OXNAD1: variants seen among roughly 807,000 people sequenced by gnomAD.
The protein encoded by OXNAD1 is oxidoreductase NAD-binding domain-containing protein 1.
In OXNAD1, 34 loss-of-function variants were observed where a neutral mutation model predicts 32.9. The observed-to-expected ratio is 1.03, with a 90% confidence interval of 0.79 to 1.38. OXNAD1 has a LOEUF of 1.38. OXNAD1 is among the 40% of genes most tolerant of loss of function. OXNAD1 has a pLI of 0.00. For missense variants in OXNAD1, 407 were observed against 379.4 expected (o/e 1.07, Z -0.60); for synonymous variants, 134 against 135.2 (o/e 0.99, Z 0.06).
downstream of OXNAD1, among the ~76,000 whole-genome samples, chr3:16,351,250 G>A (rs150780933): frequency 0.011 from 1,659 of 152,272 alleles, 15 homozygotes; most frequent in Middle Eastern, 0.027. This position sits in a 1 kb window ranked among gnomAD's most constrained non-coding sequence, Gnocchi z 5.4. Flanking sequence ...TTCCTGCAGC[G>A]CGCCAAGGAC....
rs2066277506 is a variant in OXNAD1 at position 16,289,346 on chromosome 3, C to G, written c.290+2898C>G. Among the ~76,000 whole-genome samples, 1 of 152,042 alleles carries G rather than the reference C, an allele frequency of 6.6e-6. No individual in the cohort carries two copies. The highest frequency in any genetic ancestry group is 6.6e-5 in the Admixed American group (1 of 15,260). On this transcript the variant is annotated intron_variant, in intron 5 of 8. Coordinates refer to ENST00000285083, the MANE Select transcript of OXNAD1 (RefSeq NM_138381.5). This position sits in a 1 kb window ranked among gnomAD's most constrained non-coding sequence, Gnocchi z 4.9. ...CACCACTGATGCCCCAGTCAGTACT[C>G]AATCCACACTTGGCTGGGTATAGCT...
At position 16,316,708 on chromosome 3, in the gene OXNAD1, T is replaced by C; in HGVS notation, c.*30+13116T>C. ...GCTCAGGTGAGCTCACAAGGAGAGG[T>C]CAAGCCAAGCCAAAGGGTAGGTAAC... On this transcript the variant is annotated intron_variant, in intron 9 of 9. Coordinates refer to the OXNAD1 transcript ENST00000435829. This position sits in a 1 kb window ranked among gnomAD's most constrained non-coding sequence, Gnocchi z 4.5. The C allele has an allele frequency of 7.9e-7, 1 of 1,258,870 alleles. No individual in the cohort carries two copies. Among genetic ancestry groups the C allele is most frequent in the Non-Finnish European group, 1.1e-6 (1 of 878,860 alleles). The allele number at this position is 1,258,870 out of a possible 1,614,324, so 78.0% of individuals were successfully genotyped here.
intron 9 of OXNAD1, among the ~76,000 whole-genome samples, chr3:16,331,478 A>G (rs2070304888): frequency 6.6e-6 from 1 of 152,226 alleles, no homozygotes; most frequent in African/African-American, 2.4e-5. Context: ...ATAATGCACT[A>G]TGACCATGCC....
intron 5 of OXNAD1, 74 bp downstream of exon 5, chr3:16,286,522 C>T (rs1368538030): frequency 3.2e-6 from 4 of 1,253,396 alleles, no homozygotes; most frequent in African/African-American, 1.5e-5. Context: ...TATTTTTTCT[C>T]CTGGAAAAGG....
chr3:16,330,031 A>G (rs1300710580), intron 9 of OXNAD1, among the ~76,000 whole-genome samples: 2 of 152,236 alleles, frequency 1.3e-5, no homozygotes, highest in Non-Finnish European at 2.9e-5. Context: ...CTCTTAAAGA[A>G]AAAATCAGCA....
In OXNAD1 at chr3:16,320,150, G is replaced by T. The variant is rs1237569896; in HGVS notation, c.*30+16558G>T. Among the ~76,000 whole-genome samples, 1 of 152,180 alleles carries T rather than the reference G, an allele frequency of 6.6e-6. No individual in the cohort carries two copies. Among genetic ancestry groups the T allele is most frequent in the South Asian group, 2.1e-4 (1 of 4,834 alleles). On this transcript the variant is annotated intron_variant, in intron 9 of 9. Coordinates refer to the OXNAD1 transcript ENST00000435829. The surrounding 1 kb of genome is among the most constrained non-coding windows in gnomAD (Gnocchi z 4.5). ...ATTTAATTTGCACATTTTAAAAACT[G>T]CCCATGATGTGTCCACTTCAAGTAG...
At position 16,305,764 on chromosome 3, in the gene OXNAD1, A is replaced by G. The variant is rs1170900775; in HGVS notation, c.*2202A>G. On this transcript the variant is annotated 3_prime_UTR_variant, in exon 9 of 9. Coordinates refer to ENST00000285083, the MANE Select transcript of OXNAD1 (RefSeq NM_138381.5). The surrounding 1 kb of genome is among the most constrained non-coding windows in gnomAD (Gnocchi z 4.5). ...TGCTCTATGCCTCATTTAAAATTAC[A>G]TACAACTACATGTAAAAGGGAGATG... 1 of 152,228 alleles carries G rather than the reference A, an allele frequency of 6.6e-6. No individual in the cohort carries two copies. Among genetic ancestry groups the G allele is most frequent in the East Asian group, 1.9e-4 (1 of 5,196 alleles). The allele number at this position is 152,228 out of a possible 1,614,324, so 9.4% of individuals were successfully genotyped here.
At position 16,280,238 on chromosome 3, in the gene OXNAD1, T is replaced by TG. The variant is rs1242811231; in HGVS notation, c.184-6103dup. Among the ~76,000 whole-genome samples, 2 of 152,058 alleles carry TG rather than the reference T, an allele frequency of 1.3e-5. No homozygotes were observed. Among genetic ancestry groups the TG allele is most frequent in the Non-Finnish European group, 2.9e-5 (2 of 67,996 alleles). On this transcript the variant is annotated intron_variant, in intron 4 of 8. Transcript: ENST00000285083. This position sits in a 1 kb window ranked among gnomAD's most constrained non-coding sequence, Gnocchi z 4.5. ...GATGGGGAGGGTAGAGAGGGTGTGA[T>TG]GCAGGAGAGAGGATAGTTGCTGGAG... is the stretch of plus-strand genomic sequence containing the variant.
Position 16,304,191 on chromosome 3 carries a change from G to A in OXNAD1, c.*629G>A, listed in dbSNP as rs1575158311. 1 of 152,314 alleles carries A rather than the reference G, an allele frequency of 6.6e-6. No individual in the cohort carries two copies. The highest frequency in any genetic ancestry group is 1.9e-4 in the East Asian group (1 of 5,184). The allele number at this position is 152,314 out of a possible 1,614,324, so 9.4% of individuals were successfully genotyped here. On this transcript the variant is annotated 3_prime_UTR_variant, in exon 9 of 9. Transcript: ENST00000285083. The surrounding 1 kb of genome is among the most constrained non-coding windows in gnomAD (Gnocchi z 4.6). The stretch of plus-strand genomic sequence containing the variant: ...AAGTGTGTATCCTGACTAATTGTTA[G>A]TTTCTTCTCAAATGAAACCCTTTCT...
rs1187330441 is a variant in OXNAD1 at position 16,280,306 on chromosome 3, A to G, written c.184-6036A>G. 1.3e-5 allele frequency among the ~76,000 whole-genome samples: 2 copies of G among 152,198 alleles called. No individual in the cohort carries two copies. Among genetic ancestry groups the G allele is most frequent in the Admixed American group, 1.3e-4 (2 of 15,272 alleles). ...GGAGAGGAGACCAGCCCAGGTGGACAGGTTAGCCTTTGGTAGGAGTAAAGT... is the reference window on the plus strand; with the variant it reads ...GGAGAGGAGACCAGCCCAGGTGGACGGGTTAGCCTTTGGTAGGAGTAAAGT... On this transcript the variant is annotated intron_variant, in intron 4 of 8. Transcript: ENST00000285083. The surrounding 1 kb of genome is among the most constrained non-coding windows in gnomAD (Gnocchi z 4.5).
intron 9 of OXNAD1, among the ~76,000 whole-genome samples, chr3:16,331,703 C>G (rs762190529): frequency 2.3e-4 from 35 of 152,324 alleles, no homozygotes; most frequent in Middle Eastern, 3.4e-3. Flanking sequence ...CTAATCTGGT[C>G]TGGCTGCTTT....
In OXNAD1 at chr3:16,342,401, TCATATGGATATAC is replaced by T; in HGVS notation, c.*31-6770_*31-6758del. Among the ~76,000 whole-genome samples the T allele has an allele frequency of 6.6e-6, 1 of 152,368 alleles. No individual in the cohort carries two copies. Among genetic ancestry groups the T allele is most frequent in the East Asian group, 1.9e-4 (1 of 5,194 alleles). ...CTTTTTATTGCAAAATAATATTCCA[TCATATGGATATAC>T]CATAGTTTATTCATCATTTGATGAA... On this transcript the variant is annotated intron_variant, in intron 9 of 9. Transcript: ENST00000606098. The surrounding 1 kb of genome is among the most constrained non-coding windows in gnomAD (Gnocchi z 4.0).
At chr3:16,326,964 C>T in intron 9 of OXNAD1, 1 of 970,204 alleles carries the variant, frequency 1.0e-6, no homozygotes, top group East Asian at 2.6e-5. Flanking sequence ...TGCCAATCCG[C>T]AAAACAGAAA....
At chr3:16,270,696 A>C (rs1289405711) in intron 2 of OXNAD1, among the ~76,000 whole-genome samples, 7 of 152,234 alleles carry the variant, frequency 4.6e-5, no homozygotes, top group Non-Finnish European at 7.3e-5. Context: ...GTGATAGAGA[A>C]CATGAATATT....
At chr3:16,286,633 A>T (rs1221908306) in intron 5 of OXNAD1, among the ~76,000 whole-genome samples, 185 bp downstream of exon 5, 1 of 152,228 alleles carries the variant, frequency 6.6e-6, no homozygotes, top group Non-Finnish European at 1.5e-5. Context: ...CTCAGAGCCC[A>T]CTTGGGTTTT....
rs759224171 is a variant in OXNAD1, at chr3:16,345,824, G to A, written c.*31-3352G>A. 7.7e-4 allele frequency among the ~76,000 whole-genome samples: 56 copies of A among 73,096 alleles called. No individual in the cohort carries two copies. The highest frequency in any genetic ancestry group is 4.1e-4 in the East Asian group (1 of 2,444). The allele number at this position is 73,096 out of a possible 152,430, so 48.0% of individuals were successfully genotyped here. A position where few individuals can be genotyped will look rare whatever the true frequency, so the allele number is the denominator to read the frequency against. ...TGTGTGTGTGTGTGTGTGTGCGCGC[G>A]CGCGTGCGCGCACGCGCACATGTGC... On this transcript the variant is annotated intron_variant, in intron 9 of 9. Coordinates refer to the OXNAD1 transcript ENST00000606098. This position sits in a 1 kb window ranked among gnomAD's most constrained non-coding sequence, Gnocchi z 5.2.
At chr3:16,291,100 A>C (rs1222886492) in intron 5 of OXNAD1, among the ~76,000 whole-genome samples, 2 of 152,186 alleles carry the variant, frequency 1.3e-5, no homozygotes, top group Non-Finnish European at 2.9e-5. Flanking sequence ...CTTGAAACCC[A>C]GGAGTTCTAG....
At chr3:16,278,645 C>T (rs1016830682) in intron 4 of OXNAD1, among the ~76,000 whole-genome samples, 2 of 152,216 alleles carry the variant, frequency 1.3e-5, no homozygotes, top group Non-Finnish European at 2.9e-5. Context: ...AGTCCTTGAA[C>T]TCAGATCTTT....
chr3:16,296,270 C>G (rs986076136), intron 6 of OXNAD1, among the ~76,000 whole-genome samples: 3 of 134,728 alleles, frequency 2.2e-5, no homozygotes, highest in South Asian at 2.4e-4. Flanking sequence ...GACCCTCTTG[C>G]AAATAGTCCA....
Sources: gnomAD v4.1 joint callset for allele counts (sites outside exome capture counted in the v4.1 genomes callset) on GRCh38, gnomAD v4.1.1 for gene constraint, Gnocchi (gnomAD v3.1) non-coding constraint, MANE v1.5 for transcripts, NCBI Gene and HGNC (gene_info 2026-07-23, HGNC 2026-07-21) for gene names.